Variants in PRKCE observed in about 807,000 individuals in gnomAD.
PRKCE encodes the protein protein kinase C epsilon type.
PRKCE carries 16 observed loss-of-function variants against 85.4 expected under a neutral mutation model. That is an observed-to-expected ratio of 0.19 (90% confidence interval 0.13 to 0.28). PRKCE has a LOEUF of 0.28. PRKCE is among the 10% of genes least tolerant of loss of function. The pLI, the probability that PRKCE is intolerant of heterozygous loss-of-function variation, is 1.00. For missense variants in PRKCE, 573 were observed against 975.2 expected, an observed-to-expected ratio of 0.59 and a Z score of 5.49; for synonymous variants, 388 against 371.5, an observed-to-expected ratio of 1.04 and a Z score of -0.51.
At chr2:45,653,808 TG>T (rs1675257766) in intron 1 of PRKCE, among the ~76,000 whole-genome samples, 1 of 152,222 alleles carries the variant, frequency 6.6e-6, no homozygotes, top group African/African-American at 2.4e-5. Context: ...ATTTGTGGTT[TG>T]CACTTTGGAA....
intron 2 of PRKCE, among the ~76,000 whole-genome samples, chr2:45,866,470 G>A (rs953310207): frequency 8.5e-5 from 13 of 152,154 alleles, no homozygotes; most frequent in African/African-American, 2.6e-4. Context: ...ACCATGCCTG[G>A]CTAATTTTTT....
chr2:45,937,496 A>C (rs1276246679), intron 2 of PRKCE, among the ~76,000 whole-genome samples: 1 of 152,184 alleles, frequency 6.6e-6, no homozygotes, highest in Non-Finnish European at 1.5e-5. Context: ...GCGGATCACG[A>C]GGTCAGGAGA....
chr2:45,736,157 C>T (rs559923198), intron 1 of PRKCE, among the ~76,000 whole-genome samples: 57 of 152,196 alleles, frequency 3.7e-4, no homozygotes, highest in Middle Eastern at 3.4e-3. Flanking sequence ...GACAGGTTTT[C>T]ACCATGTTGG....
At chr2:45,815,530 C>A (rs1688974530) in intron 1 of PRKCE, among the ~76,000 whole-genome samples, 2 of 152,312 alleles carry the variant, frequency 1.3e-5, no homozygotes, top group Non-Finnish European at 1.5e-5. Flanking sequence ...CCTCGGTCCC[C>A]TCCATTAGAT....
At chr2:45,913,313 A>G (rs1169318925) in intron 2 of PRKCE, among the ~76,000 whole-genome samples, 1 of 152,138 alleles carries the variant, frequency 6.6e-6, no homozygotes, top group East Asian at 1.9e-4. Flanking sequence ...ATGCCAGACT[A>G]ATTTTTGTAT....
intron 1 of PRKCE, among the ~76,000 whole-genome samples, chr2:45,689,525 A>G (rs1387588455): frequency 6.6e-6 from 1 of 150,548 alleles, no homozygotes; most frequent in African/African-American, 2.4e-5. Context: ...TATATTTTAT[A>G]TATTTATATA....
At chr2:45,729,296 G>C (rs752546811) in intron 1 of PRKCE, among the ~76,000 whole-genome samples, 2 of 152,194 alleles carry the variant, frequency 1.3e-5, no homozygotes, top group Non-Finnish European at 2.9e-5. Flanking sequence ...AGATAGAGTA[G>C]AGAGAAAGTA....
Position 46,010,888 on chromosome 2 carries a change from A to G in PRKCE, c.1437+371A>G, listed in dbSNP as rs1044257146. 3.4e-6 allele frequency: 5 copies of G among 1,488,498 alleles called. No individual in the cohort carries two copies. In the African/African-American group the frequency reaches 5.6e-5, roughly 17 times the overall value. 92.2% of individuals were successfully genotyped at this position (1,488,498 alleles called of 1,614,324 possible). On this transcript the variant is annotated intron_variant, in intron 10 of 14. Transcript: ENST00000306156. Reference sequence around the variant, plus strand: ...AACTTCTAAGTTATTTTCATGTCATATGAAAAAGAGTAAAGGCCACCTTAA... The same window carrying G: ...AACTTCTAAGTTATTTTCATGTCATGTGAAAAAGAGTAAAGGCCACCTTAA...
rs577990343 is a variant in PRKCE, at chr2:46,139,683, C to T, written c.1593-5410C>T. On this transcript the variant is annotated intron_variant, in intron 11 of 14. Transcript: ENST00000306156. The surrounding 1 kb of genome is among the most constrained non-coding windows in gnomAD (Gnocchi z 5.2). Reference sequence around the variant, plus strand: ...ATAGAGGAACATATATATATATATGCGTATATATATGTGTGTGTATATATA... The same window carrying T: ...ATAGAGGAACATATATATATATATGTGTATATATATGTGTGTGTATATATA... Among the ~76,000 whole-genome samples, 81 of 142,784 alleles carry T rather than the reference C, an allele frequency of 5.7e-4. No homozygotes were observed. The Middle Eastern group carries it at 0.014, about 25-fold the overall frequency. 93.7% of individuals were successfully genotyped at this position (142,784 alleles called of 152,430 possible). A position where few individuals can be genotyped will look rare whatever the true frequency, so the allele number is the denominator to read the frequency against.
At chr2:45,658,235 T>G (rs1675471384) in intron 1 of PRKCE, among the ~76,000 whole-genome samples, 4 of 152,146 alleles carry the variant, frequency 2.6e-5, no homozygotes. Flanking sequence ...CATAATACCA[T>G]GTAATCCAAT....
chr2:45,895,653 T>A lies in PRKCE; in HGVS notation c.412+52590T>A, dbSNP rs1197138678. Among the ~76,000 whole-genome samples, 1 of 152,262 alleles carries A rather than the reference T, an allele frequency of 6.6e-6. No homozygotes were observed. The highest frequency in any genetic ancestry group is 1.5e-5 in the Non-Finnish European group (1 of 68,046). On this transcript the variant is annotated intron_variant, in intron 2 of 14. Coordinates refer to ENST00000306156, the MANE Select transcript of PRKCE (RefSeq NM_005400.3). The surrounding 1 kb of genome is among the most constrained non-coding windows in gnomAD (Gnocchi z 4.8). ...TCACTCTAATGGCATGCAGGGTAGA[T>A]GATGTCAGCTTTTCCATCTCAGCTG...
intron 1 of PRKCE, among the ~76,000 whole-genome samples, chr2:45,657,147 C>G (rs75725889): frequency 0.025 from 3,811 of 152,308 alleles, 141 homozygotes; most frequent in African/African-American, 0.087. Flanking sequence ...CTTTGTTCTA[C>G]TGCCCTGCCT....
intron 10 of PRKCE, among the ~76,000 whole-genome samples, chr2:46,019,606 T>C (rs917669522): frequency 1.3e-5 from 2 of 152,224 alleles, no homozygotes; most frequent in Non-Finnish European, 2.9e-5. Context: ...GTCTGATGTT[T>C]TTGTAGCCAG....
At position 45,701,887 on chromosome 2, in the gene PRKCE, C is replaced by T. The variant is rs912265994; in HGVS notation, c.348+49439C>T. On this transcript the variant is annotated intron_variant, in intron 1 of 14. Transcript: ENST00000306156. The stretch of plus-strand genomic sequence containing the variant: ...TTAGTATCTGAAATTTAGGACTCAC[C>T]GTCACAACACAAATACAAAGATGGG... Among the ~76,000 whole-genome samples the T allele has an allele frequency of 3.9e-5, 6 of 152,032 alleles. No individual in the cohort carries two copies. In the East Asian group the frequency reaches 7.7e-4, roughly 20 times the overall value.
chr2:45,906,091 A>T (rs1485027219), intron 2 of PRKCE, among the ~76,000 whole-genome samples: 1 of 152,276 alleles, frequency 6.6e-6, no homozygotes, highest in Non-Finnish European at 1.5e-5. Context: ...ACCCAGATGC[A>T]GCGGCTTTCC....
chr2:45,990,497 C>A (rs1016900403), intron 6 of PRKCE, among the ~76,000 whole-genome samples: 1 of 152,170 alleles, frequency 6.6e-6, no homozygotes, highest in African/African-American at 2.4e-5. Context: ...CTGCACCTCC[C>A]CATCCACATC....
At chr2:45,847,860 T>C (rs1428135490) in intron 2 of PRKCE, among the ~76,000 whole-genome samples, 1 of 152,250 alleles carries the variant, frequency 6.6e-6, no homozygotes, top group Non-Finnish European at 1.5e-5. Flanking sequence ...GCAGATCCCT[T>C]TTCCACTGTG....
intron 2 of PRKCE, among the ~76,000 whole-genome samples, chr2:45,863,650 C>T (rs938997587): frequency 4.6e-5 from 7 of 152,210 alleles, no homozygotes; most frequent in African/African-American, 1.7e-4. Flanking sequence ...TCCAGTGCCA[C>T]AGATTTAGGA....
intron 10 of PRKCE, among the ~76,000 whole-genome samples, chr2:46,033,994 T>G (rs1029822043): frequency 7.9e-5 from 12 of 152,170 alleles, no homozygotes; most frequent in Non-Finnish European, 1.5e-4. Context: ...CCGTAGGCTT[T>G]CTAATGTACC....
Sources: allele counts gnomAD v4.1 joint callset (sites outside exome capture counted in the v4.1 genomes callset), GRCh38; gene constraint gnomAD v4.1.1; non-coding constraint Gnocchi (gnomAD v3.1); transcripts MANE v1.5; gene names NCBI Gene and HGNC (gene_info 2026-07-23, HGNC 2026-07-21).